Variants in CRYL1 observed in about 807,000 individuals in gnomAD.
The protein encoded by CRYL1 is crystallin lambda 1, also known as lambda-crystallin homolog.
A neutral mutation model predicts 36.6 loss-of-function variants in CRYL1; 29 were observed. The ratio of observed to expected loss-of-function variants is 0.79; its 90% CI spans 0.59 to 1.08. The LOEUF (loss-of-function observed/expected upper bound fraction) is 1.08, where lower values mean the gene tolerates loss of function less well. CRYL1 is among the 50% of genes least tolerant of loss of function. The pLI is 0.00. For missense variants in CRYL1, 411 were observed against 407.9 expected, an observed-to-expected ratio of 1.01 and a Z score of -0.06; for synonymous variants, 152 against 151.5, an observed-to-expected ratio of 1.00 and a Z score of -0.02.
At position 20,432,168 on chromosome 13, in the gene CRYL1, C is replaced by G. The variant is rs777305292; in HGVS notation, c.567G>C (p.Glu189Asp). The G allele has an allele frequency of 3.7e-6, 6 of 1,614,146 alleles. No individual in the cohort carries two copies. The highest frequency in any genetic ancestry group is 5.1e-6 in the Non-Finnish European group (6 of 1,180,024). ...IGQCPMRVQK[E>D]VAGFVLNRLQ... is the part of the protein sequence containing the mutation. Reference sequence around the variant, plus strand: ...GGCGGTTCAGAACGAAGCCGGCCACCTCCTTCTGGACTCGCATGGGGCACT... The same window carrying G: ...GGCGGTTCAGAACGAAGCCGGCCACGTCCTTCTGGACTCGCATGGGGCACT... The change falls in exon 5 of 8, where the codon GAG becomes GAC. Residue 189 changes from glutamate (E) to aspartate (D), a missense_variant. Glu to Asp is a conservative substitution (Grantham distance 45). Transcript: ENST00000298248.
At chr13:20,416,572 T>C (rs2031671261) in intron 5 of CRYL1, among the ~76,000 whole-genome samples, 1 of 152,222 alleles carries the variant, frequency 6.6e-6, no homozygotes, top group Non-Finnish European at 1.5e-5. Flanking sequence ...ACCCTTGCTT[T>C]CCAGGCCAAC....
intron 5 of CRYL1, among the ~76,000 whole-genome samples, chr13:20,418,028 GC>G (rs1446800881): frequency 2.0e-5 from 3 of 152,166 alleles, no homozygotes; most frequent in Non-Finnish European, 4.4e-5. Flanking sequence ...AGGAGGGCAG[GC>G]CGGCAACTCC....
chr13:20,438,589 C>T (rs1565964393), intron 4 of CRYL1, among the ~76,000 whole-genome samples: 1 of 152,186 alleles, frequency 6.6e-6, no homozygotes. Flanking sequence ...CACAATTCTG[C>T]ACACCGAGCG....
At chr13:20,447,524 C>G (rs9552185) in intron 3 of CRYL1, among the ~76,000 whole-genome samples, 2 of 152,202 alleles carry the variant, frequency 1.3e-5, no homozygotes, top group East Asian at 1.9e-4. Context: ...ACCACCCCCC[C>G]TCCCTAGGCT....
chr13:20,431,243 T>C (rs2032051566), intron 5 of CRYL1: 1 of 985,428 alleles, frequency 1.0e-6, no homozygotes, highest in Non-Finnish European at 1.2e-6. Context: ...TCGGTGTGTG[T>C]CCATGCGAGT....
intron 1 of CRYL1, among the ~76,000 whole-genome samples, chr13:20,517,439 A>G (rs2034019398): frequency 6.6e-6 from 1 of 151,738 alleles, no homozygotes; most frequent in South Asian, 2.1e-4. Flanking sequence ...TACTGAAAAT[A>G]CAAAAATTAG....
At chr13:20,419,260 A>T (rs549864587) in intron 5 of CRYL1, among the ~76,000 whole-genome samples, 1 of 152,302 alleles carries the variant, frequency 6.6e-6, no homozygotes, top group Admixed American at 6.5e-5. Context: ...TGCAAATGCT[A>T]CAGGGAGTAA....
chr13:20,420,128 G>A (rs537696243), intron 5 of CRYL1, among the ~76,000 whole-genome samples: 2 of 152,342 alleles, frequency 1.3e-5, no homozygotes, highest in East Asian at 1.9e-4. Flanking sequence ...TTTTGCTAAC[G>A]CTACAAGGGT....
intron 2 of CRYL1, among the ~76,000 whole-genome samples, chr13:20,500,679 G>A (rs558119477): frequency 1.2e-4 from 19 of 152,230 alleles, no homozygotes; most frequent in African/African-American, 4.6e-4. Context: ...TTTGATTCCT[G>A]GATGGTCATG....
chr13:20,432,182 G>A lies in CRYL1; in HGVS notation c.553C>T (p.Arg185Ter), dbSNP rs780860791. Residue 185 changes from arginine to a stop codon, truncating the protein, a stop_gained, in exon 5 of 8, where the codon CGA becomes TGA. Coordinates refer to ENST00000298248, the MANE Select transcript of CRYL1 (RefSeq NM_015974.3). LOFTEE classifies it high-confidence loss of function. ...AAGCCGGCCACCTCCTTCTGGACTC[G>A]CATGGGGCACTGTCCAATCTTCTTC... The part of the protein sequence containing the change: ...LMKKIGQCPM[R>*]VQKEVAGFVL... The A allele has an allele frequency of 4.3e-6, 7 of 1,614,058 alleles. No individual in the cohort carries two copies. The highest frequency in any genetic ancestry group is 3.3e-5 in the South Asian group (3 of 91,068).
At chr13:20,428,519 C>T (rs945934719) in intron 5 of CRYL1, among the ~76,000 whole-genome samples, 9 of 152,154 alleles carry the variant, frequency 5.9e-5, no homozygotes, top group Non-Finnish European at 1.2e-4. Flanking sequence ...AGGTTGAATC[C>T]AGCAATCCCA....
chr13:20,439,783 C>A, intron 3 of CRYL1, 29 bp from the exon 4 acceptor site: 2 of 1,604,398 alleles, frequency 1.2e-6, no homozygotes, highest in Non-Finnish European at 1.7e-6. Flanking sequence ...AATGACTATT[C>A]ATGACCACTC....
At chr13:20,511,208 C>T (rs2033911591) in intron 2 of CRYL1, among the ~76,000 whole-genome samples, 1 of 151,960 alleles carries the variant, frequency 6.6e-6, no homozygotes, top group Non-Finnish European at 1.5e-5. Flanking sequence ...CCTCAGCCTC[C>T]CGAGTAGCTA....
intron 3 of CRYL1, among the ~76,000 whole-genome samples, chr13:20,477,855 TATA>T (rs2033195517): frequency 7.3e-6 from 1 of 136,698 alleles, no homozygotes; most frequent in Admixed American, 8.0e-5. Flanking sequence ...ATATAGATAG[TATA>T]ATATATATTA....
intron 3 of CRYL1, among the ~76,000 whole-genome samples, chr13:20,489,033 A>G (rs190865070): frequency 5.9e-4 from 90 of 152,382 alleles, no homozygotes; most frequent in Non-Finnish European, 1.1e-3. Context: ...TGATAAGATG[A>G]TAAAACAAAA....
chr13:20,469,262 T>G (rs559164602), intron 3 of CRYL1, among the ~76,000 whole-genome samples: 1 of 152,306 alleles, frequency 6.6e-6, no homozygotes, highest in East Asian at 1.9e-4. Flanking sequence ...TCTTTTCAAC[T>G]TCTTTGTTCA....
At chr13:20,412,531 C>T (rs538346694) in intron 6 of CRYL1, among the ~76,000 whole-genome samples, 3 of 152,320 alleles carry the variant, frequency 2.0e-5, no homozygotes, top group Non-Finnish European at 2.9e-5. Context: ...TTACATCTCT[C>T]TCCAGATTTT....
intron 3 of CRYL1, among the ~76,000 whole-genome samples, chr13:20,451,366 G>A (rs2137417934): frequency 6.6e-6 from 1 of 152,206 alleles, no homozygotes; most frequent in South Asian, 2.1e-4. Flanking sequence ...CCTATGGATT[G>A]GGAGAAAATA....
At chr13:20,465,885 G>GCC (rs2137437860) in intron 3 of CRYL1, among the ~76,000 whole-genome samples, 1 of 151,430 alleles carries the variant, frequency 6.6e-6, no homozygotes, top group African/African-American at 2.4e-5. Context: ...ATAAATTAAT[G>GCC]CCCTCCTGGA....
Sources: gnomAD v4.1 joint callset for allele counts (sites outside exome capture counted in the v4.1 genomes callset) on GRCh38, gnomAD v4.1.1 for gene constraint, MANE v1.5 for transcripts, NCBI Gene and HGNC (gene_info 2026-07-23, HGNC 2026-07-21) for gene names.